Variants in PKP3 observed in about 807,000 individuals in gnomAD.
The protein encoded by PKP3 is plakophilin-3.
PKP3 carries 66 observed loss-of-function variants against 76.5 expected under a neutral mutation model. The observed-to-expected ratio is 0.86, with a 90% CI of 0.71 to 1.06. The LOEUF is 1.06. PKP3 is among the 50% of genes least tolerant of loss of function. PKP3 has a pLI of 0.00. For synonymous variants in PKP3, 638 were observed against 516.5 expected, an observed-to-expected ratio of 1.24 and a Z score of -3.19; for missense variants, 1,338 against 1,141.0, an observed-to-expected ratio of 1.17 and a Z score of -2.49.
Position 400,457 on chromosome 11 carries a change from G to A in PKP3, c.1566+6G>A. 1.3e-6 allele frequency: 2 copies of A among 1,541,024 alleles called. No homozygotes were observed. The highest frequency in any genetic ancestry group is 1.7e-6 in the Non-Finnish European group (2 of 1,142,948). On this transcript the variant is annotated splice_donor_region_variant and intron_variant, in intron 7 of 12. Transcript: ENST00000331563. ...CGGGCAAATGCGAGGACAAGGTGAG[G>A]GGCGCGGTGTGGAGGAGGGGCCGTG...
At position 403,790 on chromosome 11, in the gene PKP3, C is replaced by A. The variant is rs199545561; in HGVS notation, c.2077+19C>A. 22 of 1,603,296 alleles carry A rather than the reference C, an allele frequency of 1.4e-5. No homozygotes were observed. The highest frequency in any genetic ancestry group is 2.7e-5 in the African/African-American group (2 of 74,908). ...GAGATGTGTGAGTCGGGCAGCCCCT[C>A]GTCCCTGCCCTGCTGGACCCACATG... On this transcript the variant is annotated intron_variant, in intron 10 of 12. Coordinates refer to ENST00000331563, the MANE Select transcript of PKP3 (RefSeq NM_007183.4).
Position 399,111 on chromosome 11 carries a change from G to A in PKP3, c.1188G>A (p.Lys396=), listed in dbSNP as rs142985808. 9.9e-5 allele frequency: 159 copies of A among 1,611,916 alleles called. No individual in the cohort carries two copies. The highest frequency in any genetic ancestry group is 1.3e-4 in the Non-Finnish European group (154 of 1,179,472). Residue 396 remains lysine (K), a synonymous_variant, in exon 5 of 13, where the codon AAG becomes AAA. Coordinates refer to ENST00000331563, the MANE Select transcript of PKP3 (RefSeq NM_007183.4). ...TCATCTACGACAACGCTGACAACAA[G>A]CTGGCCCTGGTGGAGGAGAACGGGA... ...RNLIYDNADN[K]LALVEENGIF... is the part of the protein sequence containing the mutation.
In PKP3 at chr11:398,926, C is replaced by T. The variant is rs912005223; in HGVS notation, c.1069-66C>T. Reference sequence around the variant, plus strand: ...ACATCTACGCACCTGGACACAGCTGCACACAGGTGCATAGTCTGCATCCAT... The same window carrying T: ...ACATCTACGCACCTGGACACAGCTGTACACAGGTGCATAGTCTGCATCCAT... On this transcript the variant is annotated intron_variant, in intron 4 of 12. Transcript: ENST00000331563. The T allele has an allele frequency of 8.1e-6, 10 of 1,235,194 alleles. No individual in the cohort carries two copies. In the Admixed American group the frequency reaches 2.2e-4, roughly 27 times the overall value. 76.5% of individuals were successfully genotyped at this position (1,235,194 alleles called of 1,614,324 possible).
intron 4 of PKP3, among the ~76,000 whole-genome samples, chr11:398,787 G>A (rs367942750): frequency 6.3e-5 from 4 of 63,586 alleles, no homozygotes; most frequent in Admixed American, 2.0e-4. Flanking sequence ...CGTCACCTCC[G>A]TACCCCCGCA....
Position 400,083 on chromosome 11 carries a change from C to T in PKP3, c.1390C>T (p.Leu464Phe), listed in dbSNP as rs764386462. The T allele has an allele frequency of 1.7e-5, 27 of 1,598,168 alleles. No individual in the cohort carries two copies. Among genetic ancestry groups the T allele is most frequent in the South Asian group, 7.9e-5 (7 of 89,124 alleles). Residue 464 changes from leucine (L) to phenylalanine (F), a missense_variant, in exon 6 of 13, where the codon CTC (leucine) becomes TTC (phenylalanine). Leu to Phe is a conservative substitution (Grantham distance 22). Transcript: ENST00000331563. ...CCTGTCGGGGGCTGGGGGTCCCCCC[C>T]TCATCCAGCAGAACGCCTCGGAGGC... is the stretch of plus-strand genomic sequence containing the variant. ...SPLSGAGGPP[L>F]IQQNASEAEI...
Position 400,596 on chromosome 11 carries a change from C to T in PKP3, c.1628C>T (p.Pro543Leu). Residue 543 changes from proline (P) to leucine (L), a missense_variant, in exon 8 of 13, where the codon CCG becomes CTG. Physicochemically the swap from Pro to Leu is moderately conservative, Grantham distance 98. Transcript: ENST00000331563. ...NLSYRLYDEMPPSALQRLEGR... is the reference protein window; with the variant it reads ...NLSYRLYDEMLPSALQRLEGR... ...TCCTACCGCCTCTACGACGAGATGC[C>T]GCCGTCCGCGCTGCAGCGGCTGGAG... 2 of 1,465,018 alleles carry T rather than the reference C, an allele frequency of 1.4e-6. No homozygotes were observed. Among genetic ancestry groups the T allele is most frequent in the Non-Finnish European group, 1.8e-6 (2 of 1,117,798 alleles). The allele number at this position is 1,465,018 out of a possible 1,614,324, so 90.8% of individuals were successfully genotyped here.
chr11:393,518 G>A (rs1478258906), upstream of PKP3: 4 of 152,240 alleles, frequency 2.6e-5, no homozygotes, highest in African/African-American at 4.8e-5. Flanking sequence ...TCTGTAGGGG[G>A]TGAGGGGGTC....
chr11:400,212 CG>C, intron 6 of PKP3, 71 bp downstream of exon 6: 1 of 1,416,864 alleles, frequency 7.1e-7, no homozygotes, highest in Non-Finnish European at 9.4e-7. Flanking sequence ...CCTGGCCTGG[CG>C]TTCGCAGCCC....
chr11:404,583 G>A lies in PKP3; in HGVS notation c.*14G>A. 1 of 1,611,724 alleles carries A rather than the reference G, an allele frequency of 6.2e-7. No homozygotes were observed. Among genetic ancestry groups the A allele is most frequent in the Non-Finnish European group, 8.5e-7 (1 of 1,179,080 alleles). ...CTGGGCCCATAGGTGAAGCCTTCTGGAGGAGAAGGTGACGTGGCCCAGCGT... is the reference window on the plus strand; with the variant it reads ...CTGGGCCCATAGGTGAAGCCTTCTGAAGGAGAAGGTGACGTGGCCCAGCGT... On this transcript the variant is annotated 3_prime_UTR_variant, in exon 13 of 13. Coordinates refer to ENST00000331563, the MANE Select transcript of PKP3 (RefSeq NM_007183.4). The surrounding 1 kb of genome is among the most constrained non-coding windows in gnomAD (Gnocchi z 4.2).
chr11:400,727 G>A (rs1470179643), intron 8 of PKP3, 22 bp downstream of exon 8: 33 of 1,204,824 alleles, frequency 2.7e-5, no homozygotes, highest in Non-Finnish European at 3.2e-5. Flanking sequence ...CCTGAGCGGG[G>A]CGTGGGGTGG....
rs558948444 is a variant in PKP3, at chr11:395,511, G to T, written c.232+987G>T. The stretch of plus-strand genomic sequence containing the variant: ...TGGGGTGGAGGACGGTGAGGGAAGG[G>T]TTAATTACCACCCTGGCTGCCCTGC... On this transcript the variant is annotated intron_variant, in intron 1 of 12. Coordinates refer to ENST00000331563, the MANE Select transcript of PKP3 (RefSeq NM_007183.4). Among the ~76,000 whole-genome samples the T allele has an allele frequency of 1.2e-4, 19 of 152,328 alleles. No homozygotes were observed. In the East Asian group the frequency reaches 2.3e-3, roughly 19 times the overall value.
chr11:395,891 C>T (rs1847038668), intron 1 of PKP3, among the ~76,000 whole-genome samples: 2 of 152,180 alleles, frequency 1.3e-5, no homozygotes, highest in Admixed American at 6.5e-5. Context: ...GGGACCCTGT[C>T]GTCGACGGCT....
In PKP3 at chr11:397,303, C is replaced by T. The variant is rs2133596745; in HGVS notation, c.802C>T (p.Pro268Ser). The change falls in exon 3 of 13, where the codon CCG becomes TCG. Residue 268 changes from proline (P) to serine (S), a missense_variant. Coordinates refer to ENST00000331563, the MANE Select transcript of PKP3 (RefSeq NM_007183.4). ...HRSRGVGGAVPGAVLEPVARA... is the reference protein window; with the variant it reads ...HRSRGVGGAVSGAVLEPVARA... ...GAGCCGCGGGGTAGGCGGGGCAGTGCCGGGGGCCGTCCTGGAGCCAGTGGC... is the reference window on the plus strand; with the variant it reads ...GAGCCGCGGGGTAGGCGGGGCAGTGTCGGGGGCCGTCCTGGAGCCAGTGGC... 2 of 1,590,572 alleles carry T rather than the reference C, an allele frequency of 1.3e-6. No individual in the cohort carries two copies. Among genetic ancestry groups the T allele is most frequent in the Non-Finnish European group, 8.5e-7 (1 of 1,171,142 alleles).
At position 397,668 on chromosome 11, in the gene PKP3, C is replaced by T; in HGVS notation, c.1068+6C>T. ...ATGCAGCCGCCAAGAAGCAGGTGACCACCCCGACCACCCACTCGCTGCCCC... is the reference window on the plus strand; with the variant it reads ...ATGCAGCCGCCAAGAAGCAGGTGACTACCCCGACCACCCACTCGCTGCCCC... On this transcript the variant is annotated splice_donor_region_variant and intron_variant, in intron 4 of 12. Coordinates refer to ENST00000331563, the MANE Select transcript of PKP3 (RefSeq NM_007183.4). 6.2e-7 allele frequency: 1 copy of T among 1,608,784 alleles called. No individual in the cohort carries two copies. The highest frequency in any genetic ancestry group is 8.5e-7 in the Non-Finnish European group (1 of 1,177,580).
At chr11:392,646 C>G, upstream of PKP3, 18 of 1,286,834 alleles carry the variant, frequency 1.4e-5, no homozygotes, top group Non-Finnish European at 1.7e-5. Flanking sequence ...CTGGACACCT[C>G]GGCCGTCAGC....
In PKP3 at chr11:403,787, C is replaced by T; in HGVS notation, c.2077+16C>T. ...GACGAGATGTGTGAGTCGGGCAGCC[C>T]CTCGTCCCTGCCCTGCTGGACCCAC... On this transcript the variant is annotated intron_variant, in intron 10 of 12. Coordinates refer to ENST00000331563, the MANE Select transcript of PKP3 (RefSeq NM_007183.4). The T allele has an allele frequency of 6.2e-7, 1 of 1,603,792 alleles. No individual in the cohort carries two copies. The highest frequency in any genetic ancestry group is 1.7e-5 in the Admixed American group (1 of 60,012).
rs890190476 is a variant in PKP3, at chr11:404,386, G to A, written c.2358+63G>A. On this transcript the variant is annotated intron_variant, in intron 12 of 12. Transcript: ENST00000331563. The surrounding 1 kb of genome is among the most constrained non-coding windows in gnomAD (Gnocchi z 4.2). ...TGCAGGGCATGGGACGCCGGGGGAG[G>A]GTCAGTGAAGAGGCCCATGGGAGGA... 6.6e-7 allele frequency: 1 copy of A among 1,514,588 alleles called. No homozygotes were observed. The highest frequency in any genetic ancestry group is 1.4e-5 in the African/African-American group (1 of 72,978). 93.8% of individuals were successfully genotyped at this position (1,514,588 alleles called of 1,614,324 possible).
chr11:394,432 A>G lies in PKP3; in HGVS notation c.140A>G (p.Gln47Arg). ...EAERLRAARV[Q>R]EQVRARLLQL... ...GAGCGGCTGCGGGCAGCCCGCGTCCAGGAGCAGGTCCGCGCCCGCCTCTTG... is the reference window on the plus strand; with the variant it reads ...GAGCGGCTGCGGGCAGCCCGCGTCCGGGAGCAGGTCCGCGCCCGCCTCTTG... The change falls in exon 1 of 13, where the codon CAG becomes CGG. Residue 47 changes from glutamine to arginine, a missense_variant. Coordinates refer to ENST00000331563, the MANE Select transcript of PKP3 (RefSeq NM_007183.4). The G allele has an allele frequency of 6.8e-7, 1 of 1,469,228 alleles. No homozygotes were observed. Among genetic ancestry groups the G allele is most frequent in the Admixed American group, 2.5e-5 (1 of 40,690 alleles). 91.0% of individuals were successfully genotyped at this position (1,469,228 alleles called of 1,614,324 possible).
chr11:403,737 C>A lies in PKP3; in HGVS notation c.2043C>A (p.Asn681Lys), dbSNP rs999255792. 6 of 1,609,352 alleles carry A rather than the reference C, an allele frequency of 3.7e-6. No homozygotes were observed. Among genetic ancestry groups the A allele is most frequent in the Non-Finnish European group, 5.1e-6 (6 of 1,179,880 alleles). ...GCTCACTGACTGGCCTCATCCGAAACCTGTCTCGGAACGCTAGGAACAAGG... is the reference window on the plus strand; with the variant it reads ...GCTCACTGACTGGCCTCATCCGAAAACTGTCTCGGAACGCTAGGAACAAGG... ...QLRSLTGLIR[N>K]LSRNARNKDE... The change falls in exon 10 of 13, where the codon AAC becomes AAA. Residue 681 changes from asparagine to lysine, a missense_variant. Coordinates refer to ENST00000331563, the MANE Select transcript of PKP3 (RefSeq NM_007183.4).
Sources: gnomAD v4.1 joint callset for allele counts (sites outside exome capture counted in the v4.1 genomes callset) on GRCh38, gnomAD v4.1.1 for gene constraint, Gnocchi (gnomAD v3.1) non-coding constraint, MANE v1.5 for transcripts, NCBI Gene and HGNC (gene_info 2026-07-23, HGNC 2026-07-21) for gene names.